Variants in PLA2G4D observed in about 807,000 individuals in gnomAD.
PLA2G4D encodes phospholipase A2 group IVD.
PLA2G4D carries 80 observed loss-of-function variants against 94.4 expected under a neutral mutation model. The observed-to-expected ratio is 0.85, with a 90% CI of 0.71 to 1.02. PLA2G4D has a LOEUF of 1.02. Ranked by LOEUF, PLA2G4D falls within the 50% of genes least tolerant of loss-of-function variation. The pLI is 0.00. For missense variants in PLA2G4D, 1,050 were observed against 1,034.7 expected (o/e 1.01, Z -0.20); for synonymous variants, 438 against 440.9 (o/e 0.99, Z 0.08).
rs549304409 is a variant in PLA2G4D, at chr15:42,085,131, G to A, written c.436C>T (p.Arg146Cys). ...TTGTTGGTGATGAGGTTTTCTGGGC[G>A]ATCTGACCTGGAAAAATCAAACCAT... ...VEFLMEETSD[R>C]PENLITNKVI... The change falls in exon 6 of 20, where the codon CGC becomes TGC. Residue 146 changes from arginine (R) to cysteine (C), a missense_variant. Arg to Cys is a radical substitution (Grantham distance 180). Coordinates refer to ENST00000290472, the MANE Select transcript of PLA2G4D (RefSeq NM_178034.4). 1.9e-6 allele frequency: 3 copies of A among 1,614,200 alleles called. No individual in the cohort carries two copies. Among genetic ancestry groups the A allele is most frequent in the Non-Finnish European group, 2.5e-6 (3 of 1,180,034 alleles).
rs143102617 is a variant in PLA2G4D at position 42,070,009 on chromosome 15, T to C, written c.2130A>G (p.Pro710=). ...GGTCTGAGAAGAGGTGGCATTCCCT[T>C]GGCTGGTGCTGGTCCTGAGGGCTGG... ...VEPSPQDQHQ[P]RECHLFSDPA... Residue 710 remains proline (P), a synonymous_variant, in exon 19 of 20, where the codon CCA becomes CCG. Transcript: ENST00000290472. The C allele has an allele frequency of 2.3e-4, 339 of 1,501,164 alleles. 1 individual carries two copies. The highest frequency in any genetic ancestry group is 1.8e-3 in the Middle Eastern group (10 of 5,458). The allele number at this position is 1,501,164 out of a possible 1,614,324, so 93.0% of individuals were successfully genotyped here.
At chr15:42,088,494 T>C (rs1355644703) in intron 1 of PLA2G4D, among the ~76,000 whole-genome samples, 1 of 152,204 alleles carries the variant, frequency 6.6e-6, no homozygotes, top group East Asian at 1.9e-4. Context: ...CACACCCTAC[T>C]GCTGAGGTCC....
chr15:42,074,361 G>A (rs1014873743), intron 13 of PLA2G4D, among the ~76,000 whole-genome samples: 5 of 152,106 alleles, frequency 3.3e-5, no homozygotes, highest in Admixed American at 6.6e-5. Flanking sequence ...GTGCAGTACC[G>A]GCAATGCAGA....
intron 5 of PLA2G4D, among the ~76,000 whole-genome samples, 175 bp downstream of exon 5, chr15:42,085,316 C>T (rs1031546905): frequency 6.6e-6 from 1 of 152,070 alleles, no homozygotes; most frequent in East Asian, 1.9e-4. Context: ...GAGAAAACAT[C>T]GGCCTTCCTC....
intron 8 of PLA2G4D, 55 bp downstream of exon 8, chr15:42,083,143 C>T: frequency 6.4e-7 from 1 of 1,572,352 alleles, no homozygotes; most frequent in Non-Finnish European, 8.6e-7. Flanking sequence ...GGGCCCGCTG[C>T]AGCTGGAGCT....
At position 42,068,550 on chromosome 15, in the gene PLA2G4D, G is replaced by C. The variant is rs1395002483; in HGVS notation, c.*165C>G. On this transcript the variant is annotated 3_prime_UTR_variant, in exon 20 of 20. Coordinates refer to ENST00000290472, the MANE Select transcript of PLA2G4D (RefSeq NM_178034.4). Reference sequence around the variant, plus strand: ...TCTCAAGCCAGCCATGAACGTAAGAGAGAAGTCTGTGTGTGCAGTTCCCTC... The same window carrying C: ...TCTCAAGCCAGCCATGAACGTAAGACAGAAGTCTGTGTGTGCAGTTCCCTC... 2 of 642,172 alleles carry C rather than the reference G, an allele frequency of 3.1e-6. No homozygotes were observed. The highest frequency in any genetic ancestry group is 2.7e-6 in the Non-Finnish European group (1 of 374,820). 39.8% of individuals were successfully genotyped at this position (642,172 alleles called of 1,614,324 possible).
intron 2 of PLA2G4D, 91 bp downstream of exon 2, chr15:42,087,537 A>ACCCAG: frequency 1.2e-6 from 2 of 1,602,536 alleles, no homozygotes; most frequent in African/African-American, 2.7e-5. Flanking sequence ...ACCGCAGGTG[A>ACCCAG]CCCAGCCCAG....
At position 42,071,537 on chromosome 15, in the gene PLA2G4D, T is replaced by C. The variant is rs1555390942; in HGVS notation, c.1588A>G (p.Ile530Val). ...GCATCCAGCAGGTTCAGGGAGAAAA[T>C]GTTGCTCCAGATGGCTGAGGAACAC... ...ICFLEAIWSN[I>V]FSLNLLDAWY... The change falls in exon 16 of 20, where the codon ATT becomes GTT. Residue 530 changes from isoleucine (I) to valine (V), a missense_variant. Coordinates refer to ENST00000290472, the MANE Select transcript of PLA2G4D (RefSeq NM_178034.4). The C allele has an allele frequency of 1.2e-6, 2 of 1,613,466 alleles. No individual in the cohort carries two copies. The highest frequency in any genetic ancestry group is 1.7e-5 in the Admixed American group (1 of 59,938).
chr15:42,075,072 C>T (rs1426873944), intron 13 of PLA2G4D, among the ~76,000 whole-genome samples: 2 of 152,192 alleles, frequency 1.3e-5, no homozygotes, highest in African/African-American at 4.8e-5. Context: ...TACAGGTGTG[C>T]ACCACCATGC....
In PLA2G4D at chr15:42,082,296, C is replaced by T; in HGVS notation, c.766G>A (p.Asp256Asn). The change falls in exon 9 of 20, where the codon GAT (aspartate) becomes AAT (asparagine). Residue 256 changes from aspartate to asparagine, a missense_variant. Transcript: ENST00000290472. ...CCACTTACATTTGGAGCAGGAACAT[C>T]CATAGTCACCTCCTTCCCAATGGTC... ...PLTIGKEVTM[D>N]VPAPNAPGVR... 1 of 1,613,996 alleles carries T rather than the reference C, an allele frequency of 6.2e-7. No homozygotes were observed. Among genetic ancestry groups the T allele is most frequent in the Non-Finnish European group, 8.5e-7 (1 of 1,179,888 alleles).
At chr15:42,073,772 C>T (rs757947712) in intron 13 of PLA2G4D, among the ~76,000 whole-genome samples, 191 of 152,298 alleles carry the variant, frequency 1.3e-3, no homozygotes, top group Non-Finnish European at 2.4e-3. Context: ...TGATGCCCAG[C>T]CAGGTGTGAG....
chr15:42,074,105 A>G (rs1889876638), intron 13 of PLA2G4D, among the ~76,000 whole-genome samples: 1 of 152,140 alleles, frequency 6.6e-6, no homozygotes, highest in East Asian at 1.9e-4. Context: ...TGCTCTTTTG[A>G]TACATATGAC....
intron 1 of PLA2G4D, among the ~76,000 whole-genome samples, chr15:42,089,665 G>A (rs370403465): frequency 7.2e-5 from 11 of 152,262 alleles, no homozygotes; most frequent in African/African-American, 2.4e-4. Flanking sequence ...GGAGGTGATG[G>A]CTGGGATGCT....
chr15:42,071,439 C>G lies in PLA2G4D; in HGVS notation c.1681+5G>C. 1.2e-6 allele frequency: 2 copies of G among 1,608,624 alleles called. No individual in the cohort carries two copies. The highest frequency in any genetic ancestry group is 1.7e-6 in the Non-Finnish European group (2 of 1,176,784). ...CAGGCCCCTCAGTGCCCCTGCCCTT[C>G]CCACCTAAGCTCCTGGTCTTGTCCT... On this transcript the variant is annotated splice_donor_5th_base_variant and intron_variant, in intron 16 of 19. Coordinates refer to ENST00000290472, the MANE Select transcript of PLA2G4D (RefSeq NM_178034.4).
At position 42,083,303 on chromosome 15, in the gene PLA2G4D, C is replaced by T; in HGVS notation, c.567G>A (p.Leu189=). 2 of 1,614,048 alleles carry T rather than the reference C, an allele frequency of 1.2e-6. No homozygotes were observed. Among genetic ancestry groups the T allele is most frequent in the South Asian group, 2.2e-5 (2 of 91,086 alleles). ...TCTGTGTGTCCTCATAGGACCCCTTCAGCACCAGCTCCAGCTCCAGCTTGT... is the reference window on the plus strand; with the variant it reads ...TCTGTGTGTCCTCATAGGACCCCTTTAGCACCAGCTCCAGCTCCAGCTTGT... ...DQDKLELELV[L]KGSYEDTQTS... is the part of the protein sequence containing the mutation. Residue 189 remains leucine, a synonymous_variant, in exon 8 of 20, where the codon CTG becomes CTA. Transcript: ENST00000290472.
At chr15:42,088,573 C>A (rs1890195163) in intron 1 of PLA2G4D, among the ~76,000 whole-genome samples, 1 of 152,178 alleles carries the variant, frequency 6.6e-6, no homozygotes, top group Non-Finnish European at 1.5e-5. Flanking sequence ...ACGGCTTTTT[C>A]TGGGCATCTG....
chr15:42,091,894 G>A (rs972766390), intron 1 of PLA2G4D, among the ~76,000 whole-genome samples: 4 of 152,196 alleles, frequency 2.6e-5, no homozygotes, highest in Non-Finnish European at 4.4e-5. Flanking sequence ...CCCCTGTCCA[G>A]TGGACACGTG....
Position 42,070,056 on chromosome 15 carries a change from GC to G in PLA2G4D, c.2082del (p.Leu695CysfsTer77). On this transcript the variant is annotated frameshift_variant, in exon 19 of 20. Coordinates refer to ENST00000290472, the MANE Select transcript of PLA2G4D (RefSeq NM_178034.4). LOFTEE classifies it high-confidence loss of function. ...CTGGGTTCCACCCGGGGGAAGGGCA[GC>G]CCCCGGGCCCGGCAGTACAGCTCCG... ...QQTELYCRAR[G>X]LPFPRVEPSP... 4 of 1,521,552 alleles carry G rather than the reference GC, an allele frequency of 2.6e-6. No individual in the cohort carries two copies. Among genetic ancestry groups the G allele is most frequent in the African/African-American group, 2.8e-5 (2 of 70,888 alleles). 94.3% of individuals were successfully genotyped at this position (1,521,552 alleles called of 1,614,324 possible). A position where few individuals can be genotyped will look rare whatever the true frequency, so the allele number is the denominator to read the frequency against.
intron 13 of PLA2G4D, among the ~76,000 whole-genome samples, chr15:42,076,813 G>T (rs1889937430): frequency 6.6e-6 from 1 of 152,168 alleles, no homozygotes. Context: ...GAAAGTTGAA[G>T]GTGCACAAAC....
Sources: allele counts gnomAD v4.1 joint callset (sites outside exome capture counted in the v4.1 genomes callset), GRCh38; gene constraint gnomAD v4.1.1; transcripts MANE v1.5; gene names NCBI Gene and HGNC (gene_info 2026-07-23, HGNC 2026-07-21).